CIT: variants seen among roughly 807,000 people sequenced by gnomAD.
CIT encodes citron rho-interacting serine/threonine kinase.
CIT carries 79 observed loss-of-function variants against 272.7 expected under a neutral mutation model. The ratio of observed to expected loss-of-function variants is 0.29; its 90% confidence interval spans 0.24 to 0.35. The LOEUF (loss-of-function observed/expected upper bound fraction) is 0.35. Ranked by LOEUF, CIT falls within the 10% of genes least tolerant of loss-of-function variation. The pLI, the probability that CIT is intolerant of heterozygous loss-of-function variation, is 1.00. For missense variants in CIT, 1,909 were observed against 2,618.3 expected, an observed-to-expected ratio of 0.73 and a Z score of 5.91; for synonymous variants, 948 against 995.6, an observed-to-expected ratio of 0.95 and a Z score of 0.90.
rs922403636 is a variant in CIT, at chr12:119,834,236, G to C, written c.517-8C>G. 3.2e-6 allele frequency: 5 copies of C among 1,579,214 alleles called. No individual in the cohort carries two copies. In the African/African-American group the frequency reaches 4.1e-5, roughly 13 times the overall value. On this transcript the variant is annotated splice_region_variant and splice_polypyrimidine_tract_variant and intron_variant, in intron 5 of 47. Coordinates refer to ENST00000392521, the MANE Select transcript of CIT (RefSeq NM_001206999.2). ...AGGCTGATATTCCATGACCTGTATAGAATGCCAAAGTTATTAATTCTTCAC... is the reference window on the plus strand; with the variant it reads ...AGGCTGATATTCCATGACCTGTATACAATGCCAAAGTTATTAATTCTTCAC...
chr12:119,751,503 G>T (rs917859500), intron 23 of CIT, among the ~76,000 whole-genome samples: 5 of 151,532 alleles, frequency 3.3e-5, no homozygotes, highest in African/African-American at 1.2e-4. Flanking sequence ...GAAAGAACAA[G>T]GAAGCCAGGT....
At chr12:119,789,036 C>T (rs999460465) in intron 10 of CIT, among the ~76,000 whole-genome samples, 6 of 152,138 alleles carry the variant, frequency 3.9e-5, no homozygotes, top group African/African-American at 7.2e-5. Context: ...AGGCTTCCTA[C>T]ACCTTCCCTG....
chr12:119,746,980 C>G (rs1959512133), intron 23 of CIT, among the ~76,000 whole-genome samples: 1 of 152,164 alleles, frequency 6.6e-6, no homozygotes. Context: ...ACGCATAAGA[C>G]AAGCTTTGGA....
At position 119,735,154 on chromosome 12, in the gene CIT, C is replaced by T. The variant is rs749287150; in HGVS notation, c.3156+6G>A. On this transcript the variant is annotated splice_donor_region_variant and intron_variant, in intron 25 of 47. Coordinates refer to ENST00000392521, the MANE Select transcript of CIT (RefSeq NM_001206999.2). ...GGGATCTCACGACCTTGTTAACCCT[C>T]CTTACTTGCTTCTGGCTGGTAAGCT... The T allele has an allele frequency of 5.0e-6, 8 of 1,613,352 alleles. No individual in the cohort carries two copies. Among genetic ancestry groups the T allele is most frequent in the South Asian group, 2.2e-5 (2 of 91,032 alleles).
intron 9 of CIT, among the ~76,000 whole-genome samples, chr12:119,807,413 T>G (rs1966673029): frequency 6.6e-6 from 1 of 152,224 alleles, no homozygotes; most frequent in Admixed American, 6.5e-5. Flanking sequence ...GATATAATTC[T>G]TCTATTTCTT....
At chr12:119,783,880 A>C in intron 12 of CIT, 28 bp downstream of exon 12, 1 of 1,544,868 alleles carries the variant, frequency 6.5e-7, no homozygotes, top group Non-Finnish European at 8.7e-7. Flanking sequence ...GCCACCTCCA[A>C]GGGAAGGGGG....
Position 119,690,226 on chromosome 12 carries a change from C to A in CIT, c.6111G>T (p.Gly2037=). The part of the protein sequence containing the change: ...MLSTRRERSP[G]RLFEDSSRGR... ...CCCTGCTGCTGTCTTCAAACAGCCT[C>A]CCGGGGGACCGCTCTCTCCGCGTGC... The change falls in exon 47 of 48, where the codon GGG becomes GGT. Residue 2037 remains glycine (G), a synonymous_variant. Transcript: ENST00000392521. This position sits in a 1 kb window ranked among gnomAD's most constrained non-coding sequence, Gnocchi z 6.0. 2 of 1,535,532 alleles carry A rather than the reference C, an allele frequency of 1.3e-6. No individual in the cohort carries two copies. Among genetic ancestry groups the A allele is most frequent in the Non-Finnish European group, 1.7e-6 (2 of 1,152,022 alleles).
intron 40 of CIT, among the ~76,000 whole-genome samples, chr12:119,707,896 C>T (rs1006925275): frequency 1.3e-5 from 2 of 152,230 alleles, no homozygotes; most frequent in African/African-American, 4.8e-5. Context: ...TGTTATTAAT[C>T]TTTGAAGCCA....
chr12:119,738,544 T>C (rs1363765194), intron 24 of CIT, among the ~76,000 whole-genome samples: 2 of 152,042 alleles, frequency 1.3e-5, no homozygotes, highest in Non-Finnish European at 2.9e-5. Flanking sequence ...ATGCTGTTTT[T>C]ACAGATGAGA....
chr12:119,752,549 AATG>A (rs1334024024), intron 22 of CIT, among the ~76,000 whole-genome samples: 1 of 152,246 alleles, frequency 6.6e-6, no homozygotes, highest in Non-Finnish European at 1.5e-5. Flanking sequence ...CACTAATGAA[AATG>A]ATGATGATTA....
rs559546129 is a variant in CIT at position 119,763,533 on chromosome 12, A to G, written c.2305-2478T>C. Among the ~76,000 whole-genome samples, 136 of 152,278 alleles carry G rather than the reference A, an allele frequency of 8.9e-4. 1 individual carries two copies. The highest frequency in any genetic ancestry group is 3.1e-3 in the African/African-American group (127 of 41,542). Reference sequence around the variant, plus strand: ...TGTGAACCACTGTGCCTGGCCTCCTATATTTCTTTTACTGAAAAACAACCA... The same window carrying G: ...TGTGAACCACTGTGCCTGGCCTCCTGTATTTCTTTTACTGAAAAACAACCA... On this transcript the variant is annotated intron_variant, in intron 19 of 47. Transcript: ENST00000392521.
intron 9 of CIT, among the ~76,000 whole-genome samples, chr12:119,809,060 T>G (rs2137928143): frequency 6.6e-6 from 1 of 152,332 alleles, no homozygotes; most frequent in Non-Finnish European, 1.5e-5. Flanking sequence ...GGAGGGGATT[T>G]AATCTCAAGA....
chr12:119,690,238 C>G lies in CIT; in HGVS notation c.6099G>C (p.Glu2033Asp). ...SPGRMLSTRR[E>D]RSPGRLFEDS... The stretch of plus-strand genomic sequence containing the variant: ...CTTCAAACAGCCTCCCGGGGGACCG[C>G]TCTCTCCGCGTGCTGAGCATCCGGC... The change falls in exon 47 of 48, where the codon GAG becomes GAC. Residue 2033 changes from glutamate (E) to aspartate (D), a missense_variant. Glu to Asp is a conservative substitution (Grantham distance 45). Coordinates refer to ENST00000392521, the MANE Select transcript of CIT (RefSeq NM_001206999.2). This position sits in a 1 kb window ranked among gnomAD's most constrained non-coding sequence, Gnocchi z 6.0. The G allele has an allele frequency of 6.4e-7, 1 of 1,550,494 alleles. No individual in the cohort carries two copies. Among genetic ancestry groups the G allele is most frequent in the Non-Finnish European group, 8.6e-7 (1 of 1,159,508 alleles).
chr12:119,850,628 A>G (rs1970162180), intron 4 of CIT, among the ~76,000 whole-genome samples: 1 of 152,194 alleles, frequency 6.6e-6, no homozygotes, highest in Admixed American at 6.5e-5. Context: ...TACCTGCTCA[A>G]TTCTTTACCT....
intron 32 of CIT, among the ~76,000 whole-genome samples, chr12:119,716,204 C>G (rs950634311): frequency 1.3e-5 from 2 of 151,262 alleles, no homozygotes; most frequent in Non-Finnish European, 2.9e-5. Flanking sequence ...ATGGTGAAAC[C>G]CTATCTCTAC....
At chr12:119,711,815 A>T (rs1318694453) in intron 37 of CIT, among the ~76,000 whole-genome samples, 1 of 150,510 alleles carries the variant, frequency 6.6e-6, no homozygotes, top group Non-Finnish European at 1.5e-5. Context: ...ACACCTGGCT[A>T]ACTTTCTTTC....
At chr12:119,787,761 T>TA (rs35262272) in intron 10 of CIT, among the ~76,000 whole-genome samples, 26 of 138,030 alleles carry the variant, frequency 1.9e-4, no homozygotes, top group Admixed American at 6.9e-4. Flanking sequence ...CAAATAAATT[T>TA]AAAAAAAAAA....
At chr12:119,828,857 C>T (rs574126201) in intron 7 of CIT, among the ~76,000 whole-genome samples, 1 of 152,236 alleles carries the variant, frequency 6.6e-6, no homozygotes, top group Non-Finnish European at 1.5e-5. Context: ...CATGTGCCAC[C>T]ACTCCTGGCC....
chr12:119,853,324 C>CA (rs199867661), intron 4 of CIT, among the ~76,000 whole-genome samples: 1,498 of 82,560 alleles, frequency 0.018, 15 homozygotes, highest in African/African-American at 0.044. Context: ...ACTCTGTCTC[C>CA]AAAAAAAAAA....
Sources: gnomAD v4.1 joint callset for allele counts (sites outside exome capture counted in the v4.1 genomes callset) on GRCh38, gnomAD v4.1.1 for gene constraint, Gnocchi (gnomAD v3.1) non-coding constraint, MANE v1.5 for transcripts, NCBI Gene and HGNC (gene_info 2026-07-23, HGNC 2026-07-21) for gene names.